The following MYZAP variants were observed in gnomAD, a reference collection of about 807,000 sequenced individuals.
MYZAP encodes GRINL1A complex locus upstream.
A neutral mutation model predicts 69.4 loss-of-function variants in MYZAP; 66 were observed. The ratio of observed to expected loss-of-function variants is 0.95; its 90% CI spans 0.78 to 1.17. The LOEUF (loss-of-function observed/expected upper bound fraction) is 1.17. Ranked by LOEUF, MYZAP falls within the 50% of genes most tolerant of loss-of-function variation. The pLI, the probability that MYZAP is intolerant of heterozygous loss-of-function variation, is 0.00. For missense variants in MYZAP, 611 were observed against 556.2 expected (o/e 1.10, Z -0.99); for synonymous variants, 256 against 205.9 (o/e 1.24, Z -2.09).
chr15:57,598,802 C>T (rs1228667454), intron 1 of MYZAP, among the ~76,000 whole-genome samples: 1 of 152,200 alleles, frequency 6.6e-6, no homozygotes, highest in African/African-American at 2.4e-5. Flanking sequence ...TTGCCGACAT[C>T]TGTGTGTTTG....
chr15:57,645,444 C>G (rs1464698713), intron 10 of MYZAP, among the ~76,000 whole-genome samples: 1 of 152,110 alleles, frequency 6.6e-6, no homozygotes, highest in East Asian at 1.9e-4. Flanking sequence ...AAAAGATGGC[C>G]TAGAAAAATA....
At chr15:57,648,219 A>C (rs1309889576) in intron 10 of MYZAP, 5 of 985,394 alleles carry the variant, frequency 5.1e-6, no homozygotes, top group Non-Finnish European at 6.0e-6. Context: ...TATATGTATT[A>C]TTTAAAAAAG....
At chr15:57,644,339 T>A (rs4616241) in intron 10 of MYZAP, among the ~76,000 whole-genome samples, 1 of 152,280 alleles carries the variant, frequency 6.6e-6, no homozygotes, top group Admixed American at 6.5e-5. Context: ...AGCACAGAAG[T>A]GAGAAAGCTG....
intron 5 of MYZAP, among the ~76,000 whole-genome samples, chr15:57,628,612 G>C (rs35947886): frequency 6.6e-6 from 1 of 151,902 alleles, no homozygotes; most frequent in African/African-American, 2.4e-5. Flanking sequence ...TTACTTGTGC[G>C]GCTTGGAGCA....
intron 11 of MYZAP, among the ~76,000 whole-genome samples, chr15:57,664,831 G>A (rs2038489790): frequency 6.6e-6 from 1 of 152,124 alleles, no homozygotes; most frequent in African/African-American, 2.4e-5. Context: ...GTGATATTGA[G>A]CAAGTTAATT....
intron 12 of MYZAP, among the ~76,000 whole-genome samples, chr15:57,681,281 T>A (rs1477957856): frequency 6.6e-6 from 1 of 152,224 alleles, no homozygotes; most frequent in Non-Finnish European, 1.5e-5. Flanking sequence ...TCCCATGGAT[T>A]GCTCTCTGTG....
chr15:57,641,076 C>T (rs373393495), intron 10 of MYZAP, among the ~76,000 whole-genome samples: 1 of 152,174 alleles, frequency 6.6e-6, no homozygotes, highest in East Asian at 1.9e-4. Flanking sequence ...TTATTTTCCC[C>T]TATGCGAGTC....
chr15:57,593,216 C>CCCCCCCCT (rs1487161671), intron 1 of MYZAP, among the ~76,000 whole-genome samples: 24 of 60,110 alleles, frequency 4.0e-4, no homozygotes, highest in African/African-American at 1.7e-3. Flanking sequence ...ACACACACAC[C>CCCCCCCCT]CCAGAATCCA....
At position 57,625,786 on chromosome 15, in the gene MYZAP, A is replaced by G. The variant is rs1249373288; in HGVS notation, c.419A>G (p.His140Arg). The G allele has an allele frequency of 1.2e-6, 2 of 1,614,060 alleles. No homozygotes were observed. Among genetic ancestry groups the G allele is most frequent in the Non-Finnish European group, 1.7e-6 (2 of 1,180,032 alleles). Residue 140 changes from histidine (H) to arginine (R), a missense_variant, in exon 5 of 13, where the codon CAT becomes CGT. His to Arg is a conservative substitution (Grantham distance 29). Coordinates refer to ENST00000267853, the MANE Select transcript of MYZAP (RefSeq NM_001018100.5). ...TCTCCTCGATCTGTCCAGGTTTCCC[A>G]TGCTCAGCAGGAGTATCTGGAGAAT... is the stretch of plus-strand genomic sequence containing the variant. ...RQLTQELSVS[H>R]AQQEYLENHI...
At chr15:57,681,009 C>G (rs1354334735) in intron 12 of MYZAP, among the ~76,000 whole-genome samples, 1 of 152,164 alleles carries the variant, frequency 6.6e-6, no homozygotes, top group African/African-American at 2.4e-5. Context: ...TCTTGAAATC[C>G]TGTTGTTTCC....
intron 2 of MYZAP, among the ~76,000 whole-genome samples, chr15:57,605,127 C>T (rs1298859287): frequency 6.6e-6 from 1 of 151,934 alleles, no homozygotes; most frequent in East Asian, 1.9e-4. Flanking sequence ...TTATGGGGCA[C>T]CTACTGTATT....
intron 11 of MYZAP, among the ~76,000 whole-genome samples, chr15:57,663,472 A>C (rs1293490726): frequency 1.3e-5 from 2 of 152,202 alleles, no homozygotes; most frequent in African/African-American, 4.8e-5. Context: ...GAGAGCCAAT[A>C]GCGGTGCCAT....
chr15:57,637,966 G>C (rs966690137), intron 9 of MYZAP, among the ~76,000 whole-genome samples, 192 bp downstream of exon 9: 6 of 152,168 alleles, frequency 3.9e-5, no homozygotes, highest in Non-Finnish European at 8.8e-5. Flanking sequence ...ACATCCTGCA[G>C]ATCATGGCTG....
At chr15:57,671,213 G>A (rs958675927) in intron 11 of MYZAP, among the ~76,000 whole-genome samples, 6 of 151,884 alleles carry the variant, frequency 4.0e-5, no homozygotes, top group Admixed American at 1.3e-4. Context: ...CTAAGTTGCC[G>A]GTTTATTTCT....
chr15:57,606,371 A>C (rs1341793598), intron 2 of MYZAP, among the ~76,000 whole-genome samples: 1 of 152,222 alleles, frequency 6.6e-6, no homozygotes, highest in African/African-American at 2.4e-5. Flanking sequence ...AAAATGTGGG[A>C]CATTCTGCAA....
intron 10 of MYZAP, among the ~76,000 whole-genome samples, chr15:57,654,563 A>G: frequency 6.6e-6 from 1 of 152,214 alleles, no homozygotes; most frequent in East Asian, 1.9e-4. Flanking sequence ...CTGGTATTTA[A>G]TACTTATTTG....
intron 1 of MYZAP, among the ~76,000 whole-genome samples, chr15:57,601,290 G>GTT (rs1279780096): frequency 1.3e-5 from 2 of 151,696 alleles, no homozygotes; most frequent in African/African-American, 2.4e-5. Flanking sequence ...GTGTGTGTGT[G>GTT]TGTGTGTGTG....
chr15:57,615,040 C>G (rs1202633907), intron 2 of MYZAP, among the ~76,000 whole-genome samples: 1 of 152,164 alleles, frequency 6.6e-6, no homozygotes, highest in South Asian at 2.1e-4. Flanking sequence ...CCTGGTGTGG[C>G]TGGTGCTGAT....
chr15:57,617,154 T>C (rs1010417396), intron 2 of MYZAP, among the ~76,000 whole-genome samples: 8 of 152,088 alleles, frequency 5.3e-5, no homozygotes, highest in African/African-American at 1.9e-4. Flanking sequence ...AATGTAGGTG[T>C]GTGTCCATAA....
Sources: allele counts gnomAD v4.1 joint callset (sites outside exome capture counted in the v4.1 genomes callset), GRCh38; gene constraint gnomAD v4.1.1; transcripts MANE v1.5; gene names NCBI Gene and HGNC (gene_info 2026-07-23, HGNC 2026-07-21).